Variants in SLC20A2 observed in about 807,000 individuals in gnomAD.
The protein encoded by SLC20A2 is solute carrier family 20 member 2.
In SLC20A2, 30 loss-of-function variants were observed where a neutral mutation model predicts 61.0. The ratio of observed to expected loss-of-function variants is 0.49; its 90% CI spans 0.37 to 0.67. The LOEUF (loss-of-function observed/expected upper bound fraction) is 0.67. Ranked by LOEUF, SLC20A2 falls within the 30% of genes least tolerant of loss-of-function variation. The pLI, the probability that SLC20A2 is intolerant of heterozygous loss-of-function variation, is 0.00. For missense variants in SLC20A2, 626 were observed against 866.4 expected, an observed-to-expected ratio of 0.72 and a Z score of 3.48; for synonymous variants, 351 against 353.3, an observed-to-expected ratio of 0.99 and a Z score of 0.07.
intron 1 of SLC20A2, among the ~76,000 whole-genome samples, chr8:42,494,853 T>C (rs553059612): frequency 6.6e-5 from 10 of 152,138 alleles, no homozygotes; most frequent in African/African-American, 2.2e-4. Flanking sequence ...AACCACTCTT[T>C]TTTGTTTTTT....
chr8:42,499,974 TTA>T (rs373038803), intron 1 of SLC20A2, among the ~76,000 whole-genome samples: 47 of 152,356 alleles, frequency 3.1e-4, no homozygotes, highest in African/African-American at 1.1e-3. Flanking sequence ...TGTTGACACT[TTA>T]TGTCATTTGC....
At chr8:42,482,313 T>G (rs1048810704) in intron 1 of SLC20A2, among the ~76,000 whole-genome samples, 1 of 152,198 alleles carries the variant, frequency 6.6e-6, no homozygotes, top group African/African-American at 2.4e-5. Context: ...TTAGGAAATA[T>G]ATCAGCCTCT....
intron 1 of SLC20A2, among the ~76,000 whole-genome samples, chr8:42,521,930 G>A (rs1811632109): frequency 8.2e-6 from 1 of 121,416 alleles, no homozygotes; most frequent in African/African-American, 2.5e-5. Context: ...TCAGATTTAT[G>A]GCAATTTTCT....
intron 10 of SLC20A2, among the ~76,000 whole-genome samples, chr8:42,420,790 A>G (rs1802988009): frequency 6.6e-6 from 1 of 152,210 alleles, no homozygotes; most frequent in Non-Finnish European, 1.5e-5. Flanking sequence ...TTTGCAAACC[A>G]TCACCACAAT....
At chr8:42,470,836 C>T (rs1002989718) in intron 2 of SLC20A2, among the ~76,000 whole-genome samples, 30 of 151,460 alleles carry the variant, frequency 2.0e-4, no homozygotes, top group African/African-American at 6.8e-4. Flanking sequence ...TAGCCAGGTG[C>T]GGTGGCACAC....
intron 1 of SLC20A2, chr8:42,484,840 A>G: frequency 3.0e-6 from 1 of 337,090 alleles, no homozygotes; most frequent in Non-Finnish European, 5.8e-6. Flanking sequence ...GCATCCAGCC[A>G]GCTGGGTGTT....
intron 5 of SLC20A2, among the ~76,000 whole-genome samples, chr8:42,459,235 C>CAAAAAAAAAAAAAAAAAAAAAA (rs756966778): frequency 8.3e-4 from 30 of 36,076 alleles, no homozygotes; most frequent in Non-Finnish European, 1.4e-3. Flanking sequence ...GACTCTATCT[C>CAAAAAAAAAAAAAAAAAAAAAA]AAAAAAAAAA....
chr8:42,538,076 T>G (rs1372625130), intron 1 of SLC20A2: 1 of 152,124 alleles, frequency 6.6e-6, no homozygotes, highest in African/African-American at 2.4e-5. Context: ...AACTCTTATT[T>G]AGCTCCAAAT....
chr8:42,437,502 G>A lies in SLC20A2; in HGVS notation c.1010C>T (p.Thr337Ile), dbSNP rs750447282. 1.2e-6 allele frequency: 2 copies of A among 1,614,132 alleles called. No homozygotes were observed. The highest frequency in any genetic ancestry group is 1.1e-5 in the South Asian group (1 of 91,060). Residue 337 changes from threonine (T) to isoleucine (I), a missense_variant, in exon 8 of 11, where the codon ACC becomes ATC. Thr to Ile is a moderately conservative substitution (Grantham distance 89, BLOSUM62 -1). This residue lies in a region of SLC20A2 where 361 missense variants were observed against 422.3 expected (regional missense o/e 0.85). Transcript: ENST00000520262. This position sits in a 1 kb window ranked among gnomAD's most constrained non-coding sequence, Gnocchi z 6.4. ...SNGTFGFDGH[T>I]RSDGHVYHTV... is the part of the protein sequence containing the mutation. ...GTGGTACACATGACCGTCGCTCCTG[G>A]TGTGGCCGTCGAAGCCGAAGGTGCC...
At chr8:42,511,018 T>C (rs1811002628) in intron 1 of SLC20A2, among the ~76,000 whole-genome samples, 1 of 152,170 alleles carries the variant, frequency 6.6e-6, no homozygotes, top group Non-Finnish European at 1.5e-5. Flanking sequence ...TCTGGGGCTT[T>C]AGGTCCCCTT....
chr8:42,538,699 G>A (rs1812867258), intron 1 of SLC20A2, among the ~76,000 whole-genome samples: 1 of 152,208 alleles, frequency 6.6e-6, no homozygotes, highest in African/African-American at 2.4e-5. Flanking sequence ...CCATCTGAGA[G>A]CCAAATTTTG....
At position 42,423,406 on chromosome 8, in the gene SLC20A2, G is replaced by A. The variant is rs188862608; in HGVS notation, c.1794+5352C>T. Among the ~76,000 whole-genome samples, 959 of 151,580 alleles carry A rather than the reference G, an allele frequency of 6.3e-3. 6 individuals are homozygous for A. The highest frequency in any genetic ancestry group is 0.022 in the African/African-American group (896 of 41,316). On this transcript the variant is annotated intron_variant, in intron 10 of 10. Transcript: ENST00000520262. ...GGTCTCACTATGTTGCCCCAGGCTG[G>A]TTTCAAACTTCTGGGCTCAAGCGAT...
In SLC20A2 at chr8:42,437,142, G is replaced by A. The variant is rs372750318; in HGVS notation, c.1370C>T (p.Ala457Val). 9 of 1,613,702 alleles carry A rather than the reference G, an allele frequency of 5.6e-6. No homozygotes were observed. Among genetic ancestry groups the A allele is most frequent in the Non-Finnish European group, 6.8e-6 (8 of 1,180,026 alleles). Residue 457 changes from alanine (A) to valine (V), a missense_variant, in exon 8 of 11, where the codon GCG becomes GTG. Ala to Val is a moderately conservative substitution (Grantham distance 64, BLOSUM62 0). Around this residue, in one of 3 missense-constraint regions of SLC20A2, gnomAD observed 361 missense variants for 422.3 expected, o/e 0.85. Transcript: ENST00000520262. This position sits in a 1 kb window ranked among gnomAD's most constrained non-coding sequence, Gnocchi z 6.4. ...AEEGGVEMKLASELADPDQPR... is the reference protein window; with the variant it reads ...AEEGGVEMKLVSELADPDQPR... ...CTGGTCAGGGTCGGCCAGCTCCGAC[G>A]CCAGCTTCATCTCCACGCCGCCCTC...
At chr8:42,504,387 A>C (rs966049511), upstream of SLC20A2, among the ~76,000 whole-genome samples, 24 of 152,216 alleles carry the variant, frequency 1.6e-4, no homozygotes, top group Admixed American at 1.6e-3. Context: ...GACTAGTAGC[A>C]GATGCTGGGA....
chr8:42,485,053 C>T, intron 1 of SLC20A2: 1 of 210,656 alleles, frequency 4.7e-6, no homozygotes, highest in South Asian at 6.8e-5. Context: ...GTGCTAACAG[C>T]CCAGCCTCCA....
Position 42,430,217 on chromosome 8 carries a change from A to G in SLC20A2, c.1556T>C (p.Leu519Pro), listed in dbSNP as rs752310621. The G allele has an allele frequency of 3.1e-6, 5 of 1,613,566 alleles. No individual in the cohort carries two copies. The highest frequency in any genetic ancestry group is 3.4e-6 in the Non-Finnish European group (4 of 1,179,894). The change falls in exon 9 of 11, where the codon CTG becomes CCG. Residue 519 changes from leucine to proline, a missense_variant. Coordinates refer to ENST00000520262, the MANE Select transcript of SLC20A2 (RefSeq NM_001257180.2). ...CGTTACCCCGCCTTGTTTGTAAATC[A>G]GCCACAAGGCTACCAGGGGACCGAT... ...NAIGPLVALW[L>P]IYKQGGVTQE... is the part of the protein sequence containing the mutation.
At chr8:42,528,107 T>C (rs1023855201) in intron 1 of SLC20A2, among the ~76,000 whole-genome samples, 2 of 152,178 alleles carry the variant, frequency 1.3e-5, no homozygotes, top group Non-Finnish European at 2.9e-5. Context: ...CAAAGATATG[T>C]TATTTTGGAA....
At chr8:42,537,191 C>G (rs900317905) in intron 1 of SLC20A2, among the ~76,000 whole-genome samples, 1 of 151,844 alleles carries the variant, frequency 6.6e-6, no homozygotes, top group African/African-American at 2.4e-5. Context: ...CAAGACCAGC[C>G]TGGGCAGTAT....
At chr8:42,483,277 G>A (rs914346288) in intron 1 of SLC20A2, among the ~76,000 whole-genome samples, 4 of 144,480 alleles carry the variant, frequency 2.8e-5, no homozygotes, top group East Asian at 2.1e-4. Flanking sequence ...AGGCTGAGGC[G>A]GAGGCATTGG....
Sources: allele counts gnomAD v4.1 joint callset (sites outside exome capture counted in the v4.1 genomes callset), GRCh38; gene constraint gnomAD v4.1.1; regional missense constraint gnomAD v4.1.1; non-coding constraint Gnocchi (gnomAD v3.1); transcripts MANE v1.5; gene names NCBI Gene and HGNC (gene_info 2026-07-23, HGNC 2026-07-21).